Variants in SAMD3 observed in about 807,000 individuals in gnomAD.
SAMD3 encodes the protein sterile alpha motif domain-containing protein 3.
A neutral mutation model predicts 58.5 loss-of-function variants in SAMD3; 63 were observed. The observed-to-expected ratio is 1.08, with a 90% CI of 0.88 to 1.33. The LOEUF is 1.33. Ranked by LOEUF, SAMD3 falls within the 40% of genes most tolerant of loss-of-function variation. The pLI is 0.00. For synonymous variants in SAMD3, 220 were observed against 210.3 expected (o/e 1.05, Z -0.40); for missense variants, 604 against 608.4 (o/e 0.99, Z 0.08).
At chr6:130,276,827 T>C (rs1321862087) in intron 2 of SAMD3, among the ~76,000 whole-genome samples, 2 of 152,016 alleles carry the variant, frequency 1.3e-5, no homozygotes, top group Non-Finnish European at 2.9e-5. Flanking sequence ...GATAATATCA[T>C]GGGTAGAAGG....
chr6:130,162,200 C>T (rs1790339179), intron 8 of SAMD3: 1 of 697,274 alleles, frequency 1.4e-6, no homozygotes, highest in South Asian at 1.5e-5. Flanking sequence ...TCCAACACCA[C>T]AGTAACCTAA....
At chr6:130,252,377 TC>T (rs1396154501) in intron 2 of SAMD3, among the ~76,000 whole-genome samples, 7 of 146,660 alleles carry the variant, frequency 4.8e-5, no homozygotes, top group African/African-American at 1.7e-4. Context: ...CCTTTACATC[TC>T]ATTTTTTTTC....
chr6:130,354,506 A>G (rs1162804424), intron 1 of SAMD3, among the ~76,000 whole-genome samples: 1 of 152,252 alleles, frequency 6.6e-6, no homozygotes, highest in Non-Finnish European at 1.5e-5. Flanking sequence ...AAAAAGAAAG[A>G]GATCACATCC....
chr6:130,204,051 G>T (rs181062675), intron 5 of SAMD3, among the ~76,000 whole-genome samples: 2 of 144,198 alleles, frequency 1.4e-5, no homozygotes, highest in African/African-American at 2.5e-5. Context: ...TGGCCAGACC[G>T]AAAAAAAAAA....
At chr6:130,316,253 T>C (rs1776365793) in intron 1 of SAMD3, among the ~76,000 whole-genome samples, 1 of 133,362 alleles carries the variant, frequency 7.5e-6, no homozygotes, top group Non-Finnish European at 1.5e-5. Context: ...ATCATGGCAC[T>C]GCATTCCAGC....
At chr6:130,289,454 C>T (rs373775278) in intron 2 of SAMD3, among the ~76,000 whole-genome samples, 60 of 151,400 alleles carry the variant, frequency 4.0e-4, no homozygotes, top group Admixed American at 3.7e-3. Flanking sequence ...ATCTGATAAG[C>T]GGCACTTATT....
intron 7 of SAMD3, among the ~76,000 whole-genome samples, chr6:130,178,663 TATC>T (rs1791970130): frequency 6.6e-6 from 1 of 152,218 alleles, no homozygotes; most frequent in Non-Finnish European, 1.5e-5. Context: ...TGTGAATACA[TATC>T]AGCCAAGTAA....
intron 2 of SAMD3, among the ~76,000 whole-genome samples, chr6:130,301,329 C>T (rs1775739643): frequency 6.6e-6 from 1 of 152,094 alleles, no homozygotes; most frequent in Non-Finnish European, 1.5e-5. Flanking sequence ...ATCCCATTTA[C>T]AATAGCCAAA....
intron 1 of SAMD3, among the ~76,000 whole-genome samples, chr6:130,317,834 C>T (rs536423600): frequency 7.2e-5 from 11 of 152,324 alleles, no homozygotes; most frequent in African/African-American, 2.6e-4. Context: ...TCCCAGCTTA[C>T]TGCCTGGAGA....
At chr6:130,150,872 C>A (rs1043506413) in intron 9 of SAMD3, among the ~76,000 whole-genome samples, 9 of 151,988 alleles carry the variant, frequency 5.9e-5, no homozygotes, top group African/African-American at 1.9e-4. Flanking sequence ...CCACCACACC[C>A]GGCTAATTTT....
intron 1 of SAMD3, among the ~76,000 whole-genome samples, chr6:130,321,056 T>C (rs1434970936): frequency 6.6e-6 from 1 of 152,236 alleles, no homozygotes; most frequent in Non-Finnish European, 1.5e-5. Flanking sequence ...CAATGATCTC[T>C]GCCTGCTTGT....
intron 5 of SAMD3, among the ~76,000 whole-genome samples, chr6:130,189,715 T>G (rs1793355438): frequency 6.6e-6 from 1 of 152,194 alleles, no homozygotes; most frequent in African/African-American, 2.4e-5. Context: ...CCTAGCAGAG[T>G]TCTGCTGGAA....
chr6:130,212,722 T>G (rs1039270422), intron 4 of SAMD3, among the ~76,000 whole-genome samples: 2 of 152,240 alleles, frequency 1.3e-5, no homozygotes, highest in African/African-American at 2.4e-5. Flanking sequence ...TAAACTGATT[T>G]GCAGTGGAAA....
chr6:130,186,542 A>T (rs1339030191), intron 5 of SAMD3, among the ~76,000 whole-genome samples: 1 of 152,076 alleles, frequency 6.6e-6, no homozygotes, highest in Non-Finnish European at 1.5e-5. Context: ...GCTGCAGCCC[A>T]ATCTATTTTC....
chr6:130,148,863 C>CA (rs1364134994), intron 9 of SAMD3, among the ~76,000 whole-genome samples: 3 of 151,614 alleles, frequency 2.0e-5, no homozygotes, highest in African/African-American at 4.8e-5. Context: ...GAGACTTTCT[C>CA]AAAAAAAACC....
intron 2 of SAMD3, among the ~76,000 whole-genome samples, chr6:130,244,761 A>G (rs1773484649): frequency 6.6e-6 from 1 of 150,478 alleles, no homozygotes; most frequent in African/African-American, 2.5e-5. Flanking sequence ...AAATAAAAAT[A>G]AAAATAAAAA....
At chr6:130,266,218 G>A (rs143973738) in intron 2 of SAMD3, among the ~76,000 whole-genome samples, 10 of 152,256 alleles carry the variant, frequency 6.6e-5, no homozygotes, top group African/African-American at 2.2e-4. Context: ...TGAACTGAAT[G>A]TGCCAGTACC....
intron 2 of SAMD3, among the ~76,000 whole-genome samples, chr6:130,306,974 C>A (rs553793383): frequency 1.3e-5 from 2 of 152,194 alleles, no homozygotes; most frequent in African/African-American, 4.8e-5. Context: ...ACAAAAGATG[C>A]GGATGATCTA....
chr6:130,290,076 TATA>T (rs557461065), intron 2 of SAMD3, among the ~76,000 whole-genome samples: 81 of 152,314 alleles, frequency 5.3e-4, no homozygotes, highest in African/African-American at 1.9e-3. Context: ...GGTTATATAA[TATA>T]ATGTTATATA....
Sources: allele counts gnomAD v4.1 joint callset (sites outside exome capture counted in the v4.1 genomes callset), GRCh38; gene constraint gnomAD v4.1.1; transcripts MANE v1.5; gene names NCBI Gene and HGNC (gene_info 2026-07-23, HGNC 2026-07-21).